Variants in RAP1GDS1 observed in about 807,000 individuals in gnomAD.
The protein encoded by RAP1GDS1 is Rap1 GTPase-GDP dissociation stimulator 1, also known as RAP1, GTP-GDP dissociation stimulator 1.
Under a neutral mutation model 71.1 loss-of-function variants are expected in RAP1GDS1, and 35 were observed. The observed-to-expected ratio is 0.49, with a 90% CI of 0.38 to 0.65. The LOEUF (loss-of-function observed/expected upper bound fraction) is 0.65, where lower values mean the gene tolerates loss of function less well. Among genes scored for constraint, RAP1GDS1 ranks in the 30% least tolerant of loss-of-function variants. The pLI, the probability that RAP1GDS1 is intolerant of heterozygous loss-of-function variation, is 0.00. For synonymous variants in RAP1GDS1, 229 were observed against 243.1 expected (o/e 0.94, Z 0.54); for missense variants, 663 against 706.1 (o/e 0.94, Z 0.69).
rs763407890 is a variant in RAP1GDS1, at chr4:98,417,469, C to T, written c.1010C>T (p.Ala337Val). 3.4e-5 allele frequency: 55 copies of T among 1,613,782 alleles called. No individual in the cohort carries two copies. The highest frequency in any genetic ancestry group is 2.5e-4 in the Admixed American group (15 of 59,980). ...AACCACCAGCTACAGCTTGCTGGAG[C>T]ATTGGCAATTGCAAATTTTGCCAGA... ...SNNHQLQLAG[A>V]LAIANFARND... Residue 337 changes from alanine (A) to valine (V), a missense_variant, in exon 9 of 15, where the codon GCA becomes GTA. By Grantham distance (64) the Ala-to-Val change is moderately conservative (BLOSUM62 0). Transcript: ENST00000408927.
intron 3 of RAP1GDS1, among the ~76,000 whole-genome samples, chr4:98,344,975 C>T (rs760373393): frequency 1.3e-5 from 2 of 152,104 alleles, no homozygotes; most frequent in Non-Finnish European, 2.9e-5. Context: ...AGGCATGTGC[C>T]ACCATGCCTG....
At chr4:98,278,406 G>A (rs1219342945) in intron 1 of RAP1GDS1, among the ~76,000 whole-genome samples, 2 of 152,038 alleles carry the variant, frequency 1.3e-5, no homozygotes, top group African/African-American at 2.4e-5. Context: ...CAAAATTACT[G>A]TAAAGTTGAA....
chr4:98,360,949 A>G (rs1014925244), intron 4 of RAP1GDS1, among the ~76,000 whole-genome samples: 1 of 151,900 alleles, frequency 6.6e-6, no homozygotes, highest in African/African-American at 2.4e-5. Flanking sequence ...CTAGCCAGGC[A>G]TGGTGGCATA....
In RAP1GDS1 at chr4:98,417,412, T is replaced by C; in HGVS notation, c.953T>C (p.Phe318Ser). The change falls in exon 9 of 15, where the codon TTT becomes TCT. Residue 318 changes from phenylalanine to serine, a missense_variant. Phe to Ser is a radical substitution (Grantham distance 155, BLOSUM62 -2). Transcript: ENST00000408927. ...KLFEGGKGSVFQRVLSWIPSN... is the reference protein window; with the variant it reads ...KLFEGGKGSVSQRVLSWIPSN... ...TTTGAAGGAGGAAAAGGTAGTGTAT[T>C]TCAAAGGGTACTCTCTTGGATCCCA... is the stretch of plus-strand genomic sequence containing the variant. The C allele has an allele frequency of 6.2e-7, 1 of 1,613,120 alleles. No individual in the cohort carries two copies. The highest frequency in any genetic ancestry group is 8.5e-7 in the Non-Finnish European group (1 of 1,179,170).
intron 12 of RAP1GDS1, among the ~76,000 whole-genome samples, chr4:98,428,204 A>C (rs1212625246): frequency 6.6e-6 from 1 of 152,204 alleles, no homozygotes; most frequent in Non-Finnish European, 1.5e-5. Flanking sequence ...AATCAACTTG[A>C]GATGGATCAA....
At chr4:98,339,941 C>T (rs1343703988) in intron 2 of RAP1GDS1, among the ~76,000 whole-genome samples, 1 of 150,202 alleles carries the variant, frequency 6.7e-6, no homozygotes, top group Non-Finnish European at 1.5e-5. Flanking sequence ...TACCATTCTA[C>T]CCAACAGTTG....
chr4:98,427,542 C>G (rs187025389), intron 12 of RAP1GDS1, among the ~76,000 whole-genome samples: 1 of 152,144 alleles, frequency 6.6e-6, no homozygotes, highest in Admixed American at 6.5e-5. Flanking sequence ...TTAATGTACA[C>G]AAATTAGCTC....
intron 4 of RAP1GDS1, among the ~76,000 whole-genome samples, chr4:98,352,885 C>G (rs1737417335): frequency 6.6e-6 from 1 of 152,170 alleles, no homozygotes; most frequent in Non-Finnish European, 1.5e-5. Flanking sequence ...AGAAAAAATA[C>G]ATATGTGCAT....
chr4:98,364,149 C>A (rs1739152043), intron 4 of RAP1GDS1, among the ~76,000 whole-genome samples: 1 of 151,964 alleles, frequency 6.6e-6, no homozygotes, highest in South Asian at 2.1e-4. Flanking sequence ...ATTCTTTTAC[C>A]TTTGGGGAAT....
At chr4:98,436,714 A>G (rs1204063122) in intron 13 of RAP1GDS1, among the ~76,000 whole-genome samples, 4 of 152,220 alleles carry the variant, frequency 2.6e-5, no homozygotes, top group Admixed American at 6.5e-5. Context: ...ATTAAAAGAA[A>G]TGTGTTAGTA....
chr4:98,313,414 G>A (rs765439836), intron 2 of RAP1GDS1, among the ~76,000 whole-genome samples: 5 of 152,222 alleles, frequency 3.3e-5, no homozygotes, highest in Non-Finnish European at 7.3e-5. Context: ...CTGTAGCCCA[G>A]CTAATTGATA....
chr4:98,289,921 G>C (rs1256151972), intron 1 of RAP1GDS1, among the ~76,000 whole-genome samples: 1 of 151,202 alleles, frequency 6.6e-6, no homozygotes, highest in East Asian at 1.9e-4. Flanking sequence ...TTTTGGATTT[G>C]ATGTGGATAG....
At chr4:98,317,250 G>C (rs531170719) in intron 2 of RAP1GDS1, among the ~76,000 whole-genome samples, 7 of 152,008 alleles carry the variant, frequency 4.6e-5, no homozygotes, top group African/African-American at 1.7e-4. Flanking sequence ...CCAGATTGTA[G>C]GATTTTTATA....
intron 5 of RAP1GDS1, among the ~76,000 whole-genome samples, chr4:98,381,482 T>G (rs1455753078): frequency 6.6e-6 from 1 of 151,704 alleles, no homozygotes; most frequent in African/African-American, 2.4e-5. Flanking sequence ...CTCTTTTCCT[T>G]AAAATTTATG....
chr4:98,405,088 G>A (rs1475338566), intron 7 of RAP1GDS1, among the ~76,000 whole-genome samples: 1 of 152,110 alleles, frequency 6.6e-6, no homozygotes, highest in Non-Finnish European at 1.5e-5. Flanking sequence ...ACTCAAAGAG[G>A]ATCAGATATT....
At chr4:98,424,180 A>G (rs1749285890) in intron 12 of RAP1GDS1, among the ~76,000 whole-genome samples, 1 of 152,104 alleles carries the variant, frequency 6.6e-6, no homozygotes, top group Non-Finnish European at 1.5e-5. Context: ...AACAAAATAA[A>G]ACACTATAGG....
intron 1 of RAP1GDS1, among the ~76,000 whole-genome samples, chr4:98,291,232 C>T (rs913774829): frequency 6.6e-6 from 1 of 152,112 alleles, no homozygotes; most frequent in African/African-American, 2.4e-5. Context: ...ACCAAGTCAA[C>T]TTTGCTTTAA....
At chr4:98,293,944 C>T (rs1430012050) in intron 2 of RAP1GDS1, among the ~76,000 whole-genome samples, 4 of 151,984 alleles carry the variant, frequency 2.6e-5, no homozygotes, top group Non-Finnish European at 4.4e-5. Context: ...GGAATCTTAT[C>T]ATATTTTAAA....
intron 1 of RAP1GDS1, among the ~76,000 whole-genome samples, chr4:98,282,701 A>T (rs1725325237): frequency 6.6e-6 from 1 of 151,360 alleles, no homozygotes; most frequent in Non-Finnish European, 1.5e-5. Context: ...AGTTCTTTTA[A>T]TTGTGATGTT....
Sources: allele counts gnomAD v4.1 joint callset (sites outside exome capture counted in the v4.1 genomes callset), GRCh38; gene constraint gnomAD v4.1.1; transcripts MANE v1.5; gene names NCBI Gene and HGNC (gene_info 2026-07-23, HGNC 2026-07-21).